The following STK3 variants were observed in gnomAD, a reference collection of about 807,000 sequenced individuals.
STK3 encodes serine/threonine kinase 3.
Under a neutral mutation model 58.0 loss-of-function variants are expected in STK3, and 41 were observed. That is an observed-to-expected ratio of 0.71 (90% confidence interval 0.55 to 0.92). STK3 has a LOEUF of 0.92. STK3 is among the 40% of genes least tolerant of loss of function. The pLI is 0.00. For synonymous variants in STK3, 170 were observed against 191.0 expected (o/e 0.89, Z 0.91); for missense variants, 479 against 602.7 (o/e 0.79, Z 2.15).
chr8:98,519,090 G>T lies in STK3; in HGVS notation c.1317+7652C>A, dbSNP rs183357504. Among the ~76,000 whole-genome samples, 46 of 152,154 alleles carry T rather than the reference G, an allele frequency of 3.0e-4. No individual in the cohort carries two copies. In the East Asian group the frequency reaches 3.1e-3, roughly 10 times the overall value. On this transcript the variant is annotated intron_variant, in intron 10 of 10. Transcript: ENST00000419617. ...TCATTTAATTAATGCAAAGGTAATC[G>T]ATGACAATATGCTTAAATACTTCAC...
chr8:98,691,876 G>A (rs541434671), intron 6 of STK3, among the ~76,000 whole-genome samples: 1 of 150,176 alleles, frequency 6.7e-6, no homozygotes, highest in Non-Finnish European at 1.5e-5. Context: ...AGGTTGCAGT[G>A]AGCCGAGATC....
intron 9 of STK3, among the ~76,000 whole-genome samples, chr8:98,530,813 TTTG>T (rs1586791901): frequency 6.6e-6 from 1 of 152,250 alleles, no homozygotes; most frequent in African/African-American, 2.4e-5. Flanking sequence ...TTCTAAGTCC[TTTG>T]TTGTCATTTC....
intron 6 of STK3, among the ~76,000 whole-genome samples, chr8:98,608,318 CA>C (rs1175577577): frequency 2.0e-5 from 3 of 151,874 alleles, no homozygotes; most frequent in African/African-American, 7.3e-5. Context: ...TTCATATAAA[CA>C]AAAGCTCTTG....
chr8:98,471,074 TA>T (rs1394158830), intron 10 of STK3, among the ~76,000 whole-genome samples: 1 of 152,166 alleles, frequency 6.6e-6, no homozygotes, highest in Non-Finnish European at 1.5e-5. Context: ...TCAGAGAGTT[TA>T]TAGGTTTGTA....
At chr8:98,478,541 C>T (rs1821567407) in intron 10 of STK3, among the ~76,000 whole-genome samples, 1 of 152,208 alleles carries the variant, frequency 6.6e-6, no homozygotes. Context: ...ATCCTTATTA[C>T]TCCCTCAAAT....
At chr8:98,771,424 T>C (rs1018059355) in intron 2 of STK3, among the ~76,000 whole-genome samples, 7 of 152,246 alleles carry the variant, frequency 4.6e-5, no homozygotes, top group African/African-American at 1.7e-4. Context: ...AATTAACAGT[T>C]ATTTAATCAT....
intron 4 of STK3, among the ~76,000 whole-genome samples, chr8:98,742,395 G>A (rs1169371942): frequency 7.9e-6 from 1 of 126,898 alleles, no homozygotes; most frequent in Non-Finnish European, 1.7e-5. Flanking sequence ...GACCAAGTGG[G>A]ATTCATCCCT....
In STK3 at chr8:98,587,237, C is replaced by T. The variant is rs566756430; in HGVS notation, c.823-7448G>A. Among the ~76,000 whole-genome samples, 203 of 151,856 alleles carry T rather than the reference C, an allele frequency of 1.3e-3. 1 individual carries two copies. Among genetic ancestry groups the T allele is most frequent in the African/African-American group, 4.2e-3 (174 of 41,296 alleles). On this transcript the variant is annotated intron_variant, in intron 7 of 10. Transcript: ENST00000419617. ...CCTGCTTTCTCTTGTGGGCATTTAG[C>T]GCTATAAATTTCCCTCTACACACTG...
At chr8:98,474,538 G>C (rs1314387257) in intron 10 of STK3, among the ~76,000 whole-genome samples, 1 of 152,150 alleles carries the variant, frequency 6.6e-6, no homozygotes, top group African/African-American at 2.4e-5. Context: ...AAAATTAAGA[G>C]GTTAGGATTA....
At chr8:98,876,523 A>T (rs1269750274) in intron 3 of STK3, among the ~76,000 whole-genome samples, 1 of 152,178 alleles carries the variant, frequency 6.6e-6, no homozygotes, top group African/African-American at 2.4e-5. Flanking sequence ...GAATGTCCAT[A>T]ATAAACCAAA....
intron 4 of STK3, among the ~76,000 whole-genome samples, chr8:98,711,468 C>T (rs972744552): frequency 2.0e-5 from 3 of 152,030 alleles, no homozygotes; most frequent in South Asian, 2.1e-4. Context: ...AACCAAGGCA[C>T]GAGAACTACG....
chr8:98,868,740 C>T (rs570714219), intron 3 of STK3, among the ~76,000 whole-genome samples: 3 of 151,920 alleles, frequency 2.0e-5, no homozygotes, highest in South Asian at 2.1e-4. Flanking sequence ...AGGCCGACGC[C>T]GGCGGATGGC....
In STK3 at chr8:98,780,188, T is replaced by C. The variant is rs139649078; in HGVS notation, c.27-5369A>G. On this transcript the variant is annotated intron_variant, in intron 1 of 10. Coordinates refer to ENST00000419617, the MANE Select transcript of STK3 (RefSeq NM_006281.4). ...CTATTATAATTATATGTTATATAAA[T>C]ATATATACATATACACTGATTTCAG... Among the ~76,000 whole-genome samples the C allele has an allele frequency of 3.8e-4, 57 of 151,730 alleles. No individual in the cohort carries two copies. The East Asian group carries it at 0.011, about 29-fold the overall frequency.
At chr8:98,692,130 A>C (rs1265839398) in intron 6 of STK3, among the ~76,000 whole-genome samples, 1 of 152,156 alleles carries the variant, frequency 6.6e-6, no homozygotes, top group Non-Finnish European at 1.5e-5. Context: ...GAAAATAACA[A>C]GTGCTAGCAG....
chr8:98,620,469 A>T (rs1052785663), intron 6 of STK3, among the ~76,000 whole-genome samples: 4 of 148,224 alleles, frequency 2.7e-5, no homozygotes, highest in Admixed American at 6.7e-5. Context: ...AGTATAATAA[A>T]AAAAATAAAT....
chr8:98,526,264 A>G (rs1415049079), intron 10 of STK3, among the ~76,000 whole-genome samples: 5 of 152,056 alleles, frequency 3.3e-5, no homozygotes, highest in African/African-American at 1.2e-4. Flanking sequence ...TCCTAGGTAC[A>G]GAATAGGACT....
intron 1 of STK3, among the ~76,000 whole-genome samples, chr8:98,917,915 G>T (rs1378015375): frequency 6.6e-6 from 1 of 152,146 alleles, no homozygotes; most frequent in Non-Finnish European, 1.5e-5. Context: ...AACAGCTCAA[G>T]ACCCATTCTC....
intron 1 of STK3, among the ~76,000 whole-genome samples, chr8:98,917,194 G>A (rs1839376172): frequency 6.6e-6 from 1 of 152,182 alleles, no homozygotes. Context: ...AGATGTTCCT[G>A]TTTAATTGCC....
Position 98,774,731 on chromosome 8 carries a change from G to A in STK3, c.107+8C>T. On this transcript the variant is annotated splice_region_variant and intron_variant, in intron 2 of 10. Coordinates refer to ENST00000419617, the MANE Select transcript of STK3 (RefSeq NM_006281.4). ...TTATTTACATGCTTTCATACTTTTT[G>A]TACTTACCCTTCTCCAAGCTTCTCT... The A allele has an allele frequency of 6.4e-7, 1 of 1,563,620 alleles. No homozygotes were observed. Among genetic ancestry groups the A allele is most frequent in the Middle Eastern group, 1.7e-4 (1 of 5,916 alleles).
Sources: gnomAD v4.1 joint callset for allele counts (sites outside exome capture counted in the v4.1 genomes callset) on GRCh38, gnomAD v4.1.1 for gene constraint, MANE v1.5 for transcripts, NCBI Gene and HGNC (gene_info 2026-07-23, HGNC 2026-07-21) for gene names.